Variants in APBB2 observed in about 807,000 individuals in gnomAD.
APBB2 encodes the protein Fe65-like 1.
APBB2 carries 38 observed loss-of-function variants against 82.5 expected under a neutral mutation model. The ratio of observed to expected loss-of-function variants is 0.46; its 90% CI spans 0.36 to 0.60. The LOEUF (loss-of-function observed/expected upper bound fraction) is 0.60. APBB2 is among the 20% of genes least tolerant of loss of function. The pLI is 0.00. For synonymous variants in APBB2, 341 were observed against 368.2 expected, an observed-to-expected ratio of 0.93 and a Z score of 0.85; for missense variants, 772 against 972.3, an observed-to-expected ratio of 0.79 and a Z score of 2.74.
At chr4:41,021,666 G>A (rs1408479569) in intron 5 of APBB2, among the ~76,000 whole-genome samples, 1 of 152,198 alleles carries the variant, frequency 6.6e-6, no homozygotes, top group Non-Finnish European at 1.5e-5. Flanking sequence ...TCAGCAGGAC[G>A]TGGGTGGGGC....
intron 10 of APBB2, among the ~76,000 whole-genome samples, chr4:40,894,966 G>A (rs1450741610): frequency 6.6e-6 from 1 of 152,142 alleles, no homozygotes; most frequent in East Asian, 1.9e-4. Flanking sequence ...GATAGGAAAG[G>A]CAGACATGGA....
chr4:41,026,815 C>A (rs1037652581), intron 5 of APBB2, among the ~76,000 whole-genome samples: 24 of 152,202 alleles, frequency 1.6e-4, no homozygotes, highest in Middle Eastern at 3.2e-3. Context: ...ATATGTAAAA[C>A]TGACCCAATA....
At chr4:41,089,550 C>T (rs1460656857) in intron 3 of APBB2, among the ~76,000 whole-genome samples, 1 of 152,108 alleles carries the variant, frequency 6.6e-6, no homozygotes, top group Non-Finnish European at 1.5e-5. Context: ...TTGTGTTATA[C>T]ACTTCATGTT....
Position 41,195,987 on chromosome 4 carries a change from C to T in APBB2, c.-417+18418G>A. On this transcript the variant is annotated intron_variant, in intron 1 of 17. Coordinates refer to ENST00000508593, the MANE Select transcript of APBB2 (RefSeq NM_004307.2). Reference sequence around the variant, plus strand: ...CATCCTGGCTAACACGGTGAAACCCCGTCTCTACCGAAACTACAAAAAATT... The same window carrying T: ...CATCCTGGCTAACACGGTGAAACCCTGTCTCTACCGAAACTACAAAAAATT... Among the ~76,000 whole-genome samples, 11 of 152,036 alleles carry T rather than the reference C, an allele frequency of 7.2e-5. No homozygotes were observed. The East Asian group carries it at 1.2e-3, about 16-fold the overall frequency.
intron 3 of APBB2, among the ~76,000 whole-genome samples, chr4:41,077,459 T>C (rs1736037981): frequency 1.3e-5 from 2 of 151,970 alleles, no homozygotes; most frequent in Admixed American, 6.6e-5. Context: ...CTCAGAACAC[T>C]GGGGGATTTT....
rs764875581 is a variant in APBB2, at chr4:40,822,045, T to G, written c.1938A>C (p.Glu646Asp). The G allele has an allele frequency of 8.7e-6, 14 of 1,614,180 alleles. No homozygotes were observed. The South Asian group carries it at 1.3e-4, about 15-fold the overall frequency. Reference sequence around the variant, plus strand: ...CACGACATTCCACTAAGACTTCCTCTTCATTCTGCAAGAGACATTATGCGG... The same window carrying G: ...CACGACATTCCACTAAGACTTCCTCGTCATTCTGCAAGAGACATTATGCGG... ...ATVTVISEKN[E>D]EEVLVECRVR... The change falls in exon 17 of 18, where the codon GAA becomes GAC. Residue 646 changes from glutamate to aspartate, a missense_variant. Physicochemically the swap from Glu to Asp is conservative, Grantham distance 45. Coordinates refer to ENST00000508593, the MANE Select transcript of APBB2 (RefSeq NM_004307.2).
At chr4:40,927,254 TCTC>T (rs1320104276) in intron 10 of APBB2, among the ~76,000 whole-genome samples, 2 of 151,930 alleles carry the variant, frequency 1.3e-5, no homozygotes, top group Non-Finnish European at 2.9e-5. Context: ...ACCAAAAACC[TCTC>T]CTGACAAATA....
intron 2 of APBB2, among the ~76,000 whole-genome samples, chr4:41,142,060 G>A (rs537536758): frequency 6.6e-6 from 1 of 152,272 alleles, no homozygotes; most frequent in Admixed American, 6.5e-5. Context: ...CAATTGTCCA[G>A]GAAAAATCTG....
At chr4:41,171,413 C>CAA (rs36104073) in intron 1 of APBB2, among the ~76,000 whole-genome samples, 4 of 146,134 alleles carry the variant, frequency 2.7e-5, no homozygotes, top group Non-Finnish European at 4.6e-5. Flanking sequence ...ACAATAATAG[C>CAA]AAAAAAAAAA....
At chr4:40,985,355 C>T (rs1205923888) in intron 6 of APBB2, among the ~76,000 whole-genome samples, 1 of 151,642 alleles carries the variant, frequency 6.6e-6, no homozygotes, top group Non-Finnish European at 1.5e-5. Context: ...AATTAAACAA[C>T]CCAGTGGTAG....
At chr4:41,159,937 G>GAGGAGA (rs1560912533) in intron 1 of APBB2, among the ~76,000 whole-genome samples, 703 of 30,606 alleles carry the variant, frequency 0.023, 86 homozygotes, top group African/African-American at 0.05. Context: ...GGAGGAGGAG[G>GAGGAGA]AGGAGGAGAA....
chr4:40,931,375 C>T (rs552561036), intron 10 of APBB2, among the ~76,000 whole-genome samples: 2 of 152,256 alleles, frequency 1.3e-5, no homozygotes, highest in East Asian at 1.9e-4. Flanking sequence ...ACCTCCCAGG[C>T]TCCTCCCACC....
chr4:41,126,671 T>A (rs1355767269), intron 2 of APBB2, among the ~76,000 whole-genome samples: 1 of 152,184 alleles, frequency 6.6e-6, no homozygotes, highest in Non-Finnish European at 1.5e-5. Flanking sequence ...TTCTGGAGGC[T>A]AGAAATGTGA....
chr4:41,004,453 A>G (rs1256685157), intron 6 of APBB2, among the ~76,000 whole-genome samples: 1 of 152,198 alleles, frequency 6.6e-6, no homozygotes, highest in African/African-American at 2.4e-5. Flanking sequence ...AGAGACAGGA[A>G]ACTTTATGTG....
intron 6 of APBB2, among the ~76,000 whole-genome samples, chr4:40,997,388 A>G (rs574101467): frequency 7.2e-5 from 11 of 152,316 alleles, no homozygotes; most frequent in African/African-American, 2.6e-4. Flanking sequence ...AATATCAGAT[A>G]TACTTTCTTT....
intron 1 of APBB2, among the ~76,000 whole-genome samples, chr4:41,152,425 C>T (rs1291423284): frequency 6.6e-6 from 1 of 151,960 alleles, no homozygotes; most frequent in Non-Finnish European, 1.5e-5. Context: ...TGCGTTCACA[C>T]CATTCTCCTG....
rs774852604 is a variant in APBB2, at chr4:40,982,405, GAAA to G, written c.835+31175_835+31177del. 3.3e-3 allele frequency among the ~76,000 whole-genome samples: 245 copies of G among 74,752 alleles called. 11 individuals carry two copies. Among genetic ancestry groups the G allele is most frequent in the African/African-American group, 0.015 (208 of 14,310 alleles). The allele number at this position is 74,752 out of a possible 152,430, so 49.0% of individuals were successfully genotyped here. ...AAGGAAGGAAGGAAAGGAAAGGAAA[GAAA>G]GAAAGAAAGAAAGAAAGAAAGAAAG... On this transcript the variant is annotated intron_variant, in intron 6 of 17. Coordinates refer to ENST00000508593, the MANE Select transcript of APBB2 (RefSeq NM_004307.2).
chr4:40,867,242 T>C (rs976199885), intron 12 of APBB2, among the ~76,000 whole-genome samples: 2 of 152,180 alleles, frequency 1.3e-5, no homozygotes, highest in Admixed American at 1.3e-4. Flanking sequence ...GCAGAAAAAG[T>C]CGACTGACTC....
In APBB2 at chr4:40,886,608, C is replaced by T. The variant is rs543508364; in HGVS notation, c.1529+3756G>A. On this transcript the variant is annotated intron_variant, in intron 12 of 17. Coordinates refer to ENST00000508593, the MANE Select transcript of APBB2 (RefSeq NM_004307.2). ...AGAACGCTGAGGCCGGAAGTTAGCA[C>T]AGGTCCCTGAAACTGGGTAGGGACA... 3.3e-5 allele frequency among the ~76,000 whole-genome samples: 5 copies of T among 152,314 alleles called. No homozygotes were observed. In the South Asian group the frequency reaches 1.0e-3, roughly 32 times the overall value.
Sources: gnomAD v4.1 joint callset for allele counts (sites outside exome capture counted in the v4.1 genomes callset) on GRCh38, gnomAD v4.1.1 for gene constraint, MANE v1.5 for transcripts, NCBI Gene and HGNC (gene_info 2026-07-23, HGNC 2026-07-21) for gene names.